The following ZNF185 variants were observed in gnomAD, a reference collection of about 807,000 sequenced individuals.
ZNF185 encodes the protein zinc finger protein 185 with LIM domain, also known as zinc finger protein 185.
A neutral mutation model predicts 58.6 loss-of-function variants in ZNF185; 56 were observed. That is an observed-to-expected ratio of 0.95 (90% confidence interval 0.77 to 1.19). ZNF185 has a LOEUF of 1.19. Ranked by LOEUF, ZNF185 falls within the 50% of genes most tolerant of loss-of-function variation. The pLI is 0.00. For missense variants in ZNF185, 627 were observed against 573.5 expected (o/e 1.09, Z -0.95); for synonymous variants, 230 against 215.9 (o/e 1.07, Z -0.57).
chrX:152,931,632 T>C, intron 12 of ZNF185, 40 bp from the exon 14 acceptor site: 1 of 1,128,582 alleles, frequency 8.9e-7, no homozygotes, highest in Non-Finnish European at 1.2e-6. Context: ...TGAGTGTGAA[T>C]GGCTGCTGCA....
exon 16 of ZNF185, chrX:152,945,338 C>G (rs968493421): frequency 8.3e-7 from 1 of 1,207,552 alleles, no homozygotes; most frequent in Admixed American, 2.2e-5. Flanking sequence ...AGGCCTGGAG[C>G]TCCAAGAGGT....
chrX:152,922,290 G>A, intron 10 of ZNF185, 34 bp downstream of exon 11: 21 of 1,143,289 alleles, frequency 1.8e-5, no homozygotes, highest in Non-Finnish European at 2.5e-5. Flanking sequence ...CCTGGGGCTG[G>A]TGGCTGCCAT....
exon 16 of ZNF185, chrX:152,945,417 C>T (rs1556894126): frequency 3.3e-6 from 4 of 1,206,858 alleles, no homozygotes; most frequent in Non-Finnish European, 4.5e-6. Context: ...GGCAGAGCAG[C>T]CCCAGCGGAT....
chrX:152,925,041 C>T (rs1369166102), intron 11 of ZNF185, among the ~76,000 whole-genome samples: 1 of 112,059 alleles, frequency 8.9e-6, no homozygotes, highest in African/African-American at 3.2e-5. Flanking sequence ...GCCCGTAATC[C>T]CAGCACTTTG....
chrX:152,918,928 C>T (rs1556867859), intron 6 of ZNF185, 55 bp from the exon 8 acceptor site: 2 of 966,846 alleles, frequency 2.1e-6, no homozygotes. Flanking sequence ...AGCCAGGAAG[C>T]CAAGCTGCTG....
At chrX:152,954,874 A>G (rs1194593153) in intron 16 of ZNF185, among the ~76,000 whole-genome samples, 2 of 111,726 alleles carry the variant, frequency 1.8e-5, no homozygotes, top group Non-Finnish European at 3.8e-5. Context: ...GCAATGAACT[A>G]TTTGTGAATC....
rs368172395 is a variant in ZNF185, at chrX:152,915,163, G to A, written c.184G>A (p.Ala62Thr). ...AGAGCTGCCCTCAGGCCGGAGTCGC[G>A]CCACATCCTTTTCATCAGCTGGGGA... is the stretch of plus-strand genomic sequence containing the variant. The change falls in exon 3 of 23, where the codon GCC becomes ACC. Residue 62 changes from alanine (A) to threonine (T), a missense_variant. Physicochemically the swap from Ala to Thr is moderately conservative, Grantham distance 58. Transcript: ENST00000449285. The A allele has an allele frequency of 1.0e-4, 125 of 1,208,790 alleles. No homozygotes were observed. The highest frequency in any genetic ancestry group is 1.3e-4 in the Non-Finnish European group (117 of 894,812).
At chrX:152,920,558 T>C in intron 8 of ZNF185, 147 bp downstream of exon 9, 4 of 961,804 alleles carry the variant, frequency 4.2e-6, no homozygotes, top group Non-Finnish European at 5.8e-6. Flanking sequence ...AGATGTACTT[T>C]CTAGAAAATG....
chrX:152,912,909 G>A (rs782656766), upstream of ZNF185, among the ~76,000 whole-genome samples: 9 of 112,898 alleles, frequency 8.0e-5, no homozygotes, highest in South Asian at 2.2e-3. Flanking sequence ...GAACTCTAAC[G>A]TGGCAGCTTT....
chrX:152,912,580 A>G (rs1455398437), upstream of ZNF185, among the ~76,000 whole-genome samples: 3 of 111,623 alleles, frequency 2.7e-5, no homozygotes, highest in Non-Finnish European at 5.6e-5. Flanking sequence ...TCATATGTGG[A>G]AGCTGGTGGC....
At chrX:152,938,693 GC>G (rs1434544839) in intron 15 of ZNF185, among the ~76,000 whole-genome samples, 1 of 111,068 alleles carries the variant, frequency 9.0e-6, no homozygotes, top group Non-Finnish European at 1.9e-5. Flanking sequence ...TGTGTGCACA[GC>G]CCTCTACTCA....
At chrX:152,959,792 C>T (rs1373991930) in exon 17 of ZNF185, 3 of 1,210,216 alleles carry the variant, frequency 2.5e-6, no homozygotes, top group Admixed American at 4.4e-5. Context: ...GCCAAGGAGA[C>T]CCAGCTGTAC....
intron 13 of ZNF185, 99 bp from the exon 15 acceptor site, chrX:152,932,774 G>C: frequency 1.7e-6 from 1 of 580,609 alleles, no homozygotes. Flanking sequence ...AGCAGCCAAA[G>C]GCCTGTGCTT....
chrX:152,918,929 C>A, intron 6 of ZNF185, 54 bp from the exon 8 acceptor site: 1 of 978,226 alleles, frequency 1.0e-6, no homozygotes, highest in Non-Finnish European at 1.4e-6. Context: ...GCCAGGAAGC[C>A]AAGCTGCTGA....
intron 15 of ZNF185, among the ~76,000 whole-genome samples, chrX:152,942,536 A>G (rs1051832093): frequency 5.3e-5 from 6 of 112,388 alleles, no homozygotes; most frequent in Non-Finnish European, 9.4e-5. Flanking sequence ...CACCAGAGGA[A>G]TATCTCCTCC....
chrX:152,934,113 T>A (rs1477589511), intron 14 of ZNF185, among the ~76,000 whole-genome samples: 1 of 112,978 alleles, frequency 8.9e-6, no homozygotes, highest in Non-Finnish European at 1.9e-5. Context: ...GGGATCTTTT[T>A]AAAAATAAGC....
intron 12 of ZNF185, among the ~76,000 whole-genome samples, 156 bp from the exon 14 acceptor site, chrX:152,931,516 C>T (rs1941967151): frequency 8.9e-6 from 1 of 112,744 alleles, no homozygotes; most frequent in Non-Finnish European, 1.9e-5. Flanking sequence ...GCCTCGGCCT[C>T]TCAAAATGCT....
At chrX:152,917,789 G>C (rs1938814749) in intron 5 of ZNF185, 1 of 1,040,949 alleles carries the variant, frequency 9.6e-7, no homozygotes, top group African/African-American at 1.9e-5. Flanking sequence ...GGCATTGCCT[G>C]GGACTCCGTC....
chrX:152,929,108 G>A (rs986266429), intron 12 of ZNF185, among the ~76,000 whole-genome samples: 2 of 112,073 alleles, frequency 1.8e-5, no homozygotes, highest in Admixed American at 1.9e-4. Flanking sequence ...TAAGGAGCCC[G>A]TGAAGGCCAC....
Sources: allele counts gnomAD v4.1 joint callset (sites outside exome capture counted in the v4.1 genomes callset), GRCh38; gene constraint gnomAD v4.1.1; transcripts MANE v1.5; gene names NCBI Gene and HGNC (gene_info 2026-07-23, HGNC 2026-07-21).